PIK3C2G: variants seen among roughly 807,000 people sequenced by gnomAD.
PIK3C2G encodes the protein phosphatidylinositol-4-phosphate 3-kinase catalytic subunit type 2 gamma.
In PIK3C2G, 168 loss-of-function variants were observed where a neutral mutation model predicts 181.1. That is an observed-to-expected ratio of 0.93 (90% CI 0.82 to 1.05). The LOEUF (loss-of-function observed/expected upper bound fraction) is 1.05. Among genes scored for constraint, PIK3C2G ranks in the 50% least tolerant of loss-of-function variants. The pLI, the probability that PIK3C2G is intolerant of heterozygous loss-of-function variation, is 0.00. For synonymous variants in PIK3C2G, 573 were observed against 592.2 expected (o/e 0.97, Z 0.47); for missense variants, 1,869 against 1,732.8 (o/e 1.08, Z -1.40).
intron 1 of PIK3C2G, among the ~76,000 whole-genome samples, chr12:18,276,615 A>G (rs11043995): frequency 0.059 from 9,034 of 152,218 alleles, 879 homozygotes; most frequent in East Asian, 0.47. Flanking sequence ...AATCCTACAA[A>G]TAAAATGGAG....
chr12:18,436,093 T>C (rs950839523), intron 18 of PIK3C2G, among the ~76,000 whole-genome samples: 3 of 152,076 alleles, frequency 2.0e-5, no homozygotes, highest in African/African-American at 4.8e-5. Flanking sequence ...AGCTCACTGA[T>C]GATGTCATAA....
chr12:18,422,663 G>T (rs1945556630), intron 17 of PIK3C2G, among the ~76,000 whole-genome samples: 1 of 152,042 alleles, frequency 6.6e-6, no homozygotes, highest in South Asian at 2.1e-4. Flanking sequence ...GGGGGAAATT[G>T]TAACAGTGGA....
the PIK3C2G span, chr12:18,701,606 ATCCTCCTCCTCCTCCTCCTCCTCC>A: frequency 1.5e-4 from 236 of 1,525,058 alleles, no homozygotes; most frequent in Admixed American, 2.6e-3. Context: ...CTTTGAATTT[ATCCTCCTCCTCCTCCTCCTCCTCC>A]TCCTCCTCCT....
chr12:18,356,999 G>C (rs915078339), intron 11 of PIK3C2G, among the ~76,000 whole-genome samples: 1 of 151,916 alleles, frequency 6.6e-6, no homozygotes, highest in African/African-American at 2.4e-5. Context: ...TTTCTGTCTA[G>C]TATTTTCCTG....
chr12:18,373,724 G>T (rs1332215610), intron 13 of PIK3C2G, among the ~76,000 whole-genome samples: 1 of 152,054 alleles, frequency 6.6e-6, no homozygotes, highest in Non-Finnish European at 1.5e-5. Flanking sequence ...GTGGTGGCAG[G>T]TGCCTGTAGT....
intron 16 of PIK3C2G, among the ~76,000 whole-genome samples, chr12:18,409,960 A>C (rs1456715121): frequency 6.6e-6 from 1 of 152,142 alleles, no homozygotes; most frequent in Non-Finnish European, 1.5e-5. Context: ...AAACAACCGG[A>C]TATCATTAGA....
In PIK3C2G at chr12:18,302,108, AC is replaced by A. The variant is rs536387959; in HGVS notation, c.1034+8095del. 6.6e-4 allele frequency among the ~76,000 whole-genome samples: 100 copies of A among 152,288 alleles called. 2 individuals carry two copies. In the South Asian group the frequency reaches 0.02, roughly 30 times the overall value. On this transcript the variant is annotated intron_variant, in intron 5 of 32. Transcript: ENST00000538779. ...CTTCCAGTGTGGTAGTGGTGGACCAACCATGGCTGTCTTTGGGCTCCTGGGT... is the reference window on the plus strand; with the variant it reads ...CTTCCAGTGTGGTAGTGGTGGACCAACATGGCTGTCTTTGGGCTCCTGGGT...
intron 30 of PIK3C2G, among the ~76,000 whole-genome samples, chr12:18,596,308 G>C (rs1947359221): frequency 6.6e-6 from 1 of 151,610 alleles, no homozygotes; most frequent in South Asian, 2.1e-4. Context: ...GTTATCACTT[G>C]GAATAAAAAA....
chr12:18,556,353 C>T (rs757588782), intron 26 of PIK3C2G, among the ~76,000 whole-genome samples: 2 of 152,122 alleles, frequency 1.3e-5, no homozygotes, highest in African/African-American at 2.4e-5. Flanking sequence ...CCCGTTAAGT[C>T]TGACACCTGA....
the PIK3C2G span, among the ~76,000 whole-genome samples, chr12:18,661,840 T>G: frequency 6.6e-6 from 1 of 152,038 alleles, no homozygotes; most frequent in South Asian, 2.1e-4. Flanking sequence ...ATATTCACAA[T>G]AGCAAAGACA....
chr12:18,324,435 G>A (rs749175699), intron 7 of PIK3C2G, among the ~76,000 whole-genome samples: 1 of 152,160 alleles, frequency 6.6e-6, no homozygotes, highest in Non-Finnish European at 1.5e-5. Context: ...TTCAATTTAA[G>A]TCAGGAGTTT....
rs143069868 is a variant in PIK3C2G, at chr12:18,475,785, G to A, written c.2505-12664G>A. Among the ~76,000 whole-genome samples, 507 of 152,010 alleles carry A rather than the reference G, an allele frequency of 3.3e-3. 17 individuals are homozygous for A. The highest frequency in any genetic ancestry group is 0.027 in the Admixed American group (414 of 15,248). On this transcript the variant is annotated intron_variant, in intron 18 of 32. Transcript: ENST00000538779. ...ATGTATAATATGCAAACTCTTAGGC[G>A]ACTAAAGGAAATACCATGTGAAAAT...
At chr12:18,493,776 A>G (rs181761838) in intron 20 of PIK3C2G, 75 of 152,356 alleles carry the variant, frequency 4.9e-4, no homozygotes, top group African/African-American at 1.7e-3. Flanking sequence ...GTATGGCTCA[A>G]TTCGTTTCTT....
At chr12:18,269,074 C>A (rs1459951657) in intron 1 of PIK3C2G, among the ~76,000 whole-genome samples, 1 of 152,002 alleles carries the variant, frequency 6.6e-6, no homozygotes, top group African/African-American at 2.4e-5. Flanking sequence ...ACACACCTGG[C>A]AAATTTTTTT....
intron 13 of PIK3C2G, among the ~76,000 whole-genome samples, chr12:18,373,619 G>T (rs1942224567): frequency 6.6e-6 from 1 of 152,166 alleles, no homozygotes; most frequent in Non-Finnish European, 1.5e-5. Context: ...GGAGGCCGAG[G>T]CGGGTGGATC....
intron 26 of PIK3C2G, among the ~76,000 whole-genome samples, chr12:18,556,307 AAGTCCAATTACAGTTAAC>A (rs1945010365): frequency 6.6e-6 from 1 of 152,166 alleles, no homozygotes; most frequent in Non-Finnish European, 1.5e-5. Context: ...CCCCAGTCCC[AAGTCCAATTACAGTTAAC>A]AGCACTGTTT....
chr12:18,702,721 C>G, the PIK3C2G span, among the ~76,000 whole-genome samples: 1 of 151,822 alleles, frequency 6.6e-6, no homozygotes, highest in African/African-American at 2.4e-5. Context: ...ATAAGGGAAT[C>G]AGAATCTTGA....
chr12:18,324,145 C>CG (rs1426909332), intron 7 of PIK3C2G, among the ~76,000 whole-genome samples: 2 of 149,828 alleles, frequency 1.3e-5, no homozygotes, highest in South Asian at 2.3e-4. Flanking sequence ...ACGTGAACCC[C>CG]GGGGGGCGGA....
chr12:18,620,511 T>C (rs1219030731), intron 31 of PIK3C2G, among the ~76,000 whole-genome samples: 1 of 148,206 alleles, frequency 6.7e-6, no homozygotes, highest in Non-Finnish European at 1.5e-5. Flanking sequence ...GACAGATAGA[T>C]AAATGATTAG....
Sources: allele counts gnomAD v4.1 joint callset (sites outside exome capture counted in the v4.1 genomes callset), GRCh38; gene constraint gnomAD v4.1.1; transcripts MANE v1.5; gene names NCBI Gene and HGNC (gene_info 2026-07-23, HGNC 2026-07-21).